Variants in LINGO2 observed in about 807,000 individuals in gnomAD.
The protein encoded by LINGO2 is leucine rich repeat and Ig domain containing 2, also known as leucine-rich repeat and immunoglobulin-like domain-containing nogo receptor-interacting protein 2.
A neutral mutation model predicts 30.6 loss-of-function variants in LINGO2; 14 were observed. That is an observed-to-expected ratio of 0.46 (90% CI 0.30 to 0.72). LINGO2 has a LOEUF of 0.72. Among genes scored for constraint, LINGO2 ranks in the 30% least tolerant of loss-of-function variants. The probability of loss-of-function intolerance (pLI) is 0.07; values close to 1 mark genes in which losing one functional copy is unlikely to be tolerated. For missense variants in LINGO2, 729 were observed against 751.7 expected (o/e 0.97, Z 0.35); for synonymous variants, 317 against 288.5 (o/e 1.10, Z -1.00).
intron 5 of LINGO2, among the ~76,000 whole-genome samples, chr9:27,999,926 A>G (rs137911855): frequency 3.9e-5 from 6 of 152,336 alleles, no homozygotes; most frequent in African/African-American, 1.4e-4. Context: ...TGGATTTTAA[A>G]TAACAAATTC....
chr9:28,919,077 T>G, the LINGO2 span, among the ~76,000 whole-genome samples: 1 of 152,224 alleles, frequency 6.6e-6, no homozygotes, highest in East Asian at 1.9e-4. Flanking sequence ...GACATTCCTT[T>G]GTTGCTTACC....
At chr9:28,416,213 C>G (rs1822962331) in intron 2 of LINGO2, among the ~76,000 whole-genome samples, 1 of 152,070 alleles carries the variant, frequency 6.6e-6, no homozygotes, top group Non-Finnish European at 1.5e-5. Flanking sequence ...AAATTATACT[C>G]TTTTCATAAA....
chr9:28,182,463 T>C (rs1819383475), intron 4 of LINGO2, among the ~76,000 whole-genome samples: 1 of 152,084 alleles, frequency 6.6e-6, no homozygotes, highest in African/African-American at 2.4e-5. Context: ...AATTGATAAA[T>C]GGGATCTAAT....
At chr9:28,441,969 A>C (rs1824215732) in intron 2 of LINGO2, among the ~76,000 whole-genome samples, 1 of 152,090 alleles carries the variant, frequency 6.6e-6, no homozygotes, top group African/African-American at 2.4e-5. Flanking sequence ...GCTCTTCAAA[A>C]TGTATATCGA....
At chr9:28,541,405 T>C (rs903993007) in intron 1 of LINGO2, among the ~76,000 whole-genome samples, 1 of 152,196 alleles carries the variant, frequency 6.6e-6, no homozygotes, top group Admixed American at 6.5e-5. Flanking sequence ...TGAGGATGAC[T>C]GATGTAATTA....
the LINGO2 span, among the ~76,000 whole-genome samples, chr9:28,945,281 C>A: frequency 1.3e-5 from 2 of 152,094 alleles, no homozygotes. Flanking sequence ...TATATGAAAG[C>A]AACTGGTTAT....
chr9:28,820,741 A>G, the LINGO2 span, among the ~76,000 whole-genome samples: 1 of 152,232 alleles, frequency 6.6e-6, no homozygotes, highest in Non-Finnish European at 1.5e-5. Flanking sequence ...ACAGAAAGTT[A>G]GAAGTCTACC....
chr9:28,984,037 A>C, the LINGO2 span, among the ~76,000 whole-genome samples: 1 of 152,038 alleles, frequency 6.6e-6, no homozygotes, highest in African/African-American at 2.4e-5. Context: ...TTTCAGAAGA[A>C]AGCTTTTTTA....
chr9:28,258,135 T>C (rs1185856974), intron 4 of LINGO2, among the ~76,000 whole-genome samples: 1 of 151,994 alleles, frequency 6.6e-6, no homozygotes, highest in Non-Finnish European at 1.5e-5. Flanking sequence ...AAGTGCTTAT[T>C]TTTTCTTAGA....
chr9:28,058,130 C>G (rs1395971967), intron 4 of LINGO2, among the ~76,000 whole-genome samples: 1 of 152,026 alleles, frequency 6.6e-6, no homozygotes, highest in African/African-American at 2.4e-5. Context: ...CTTACCCTTG[C>G]CAATAAATAA....
At chr9:28,536,232 T>G (rs1353004606) in intron 1 of LINGO2, among the ~76,000 whole-genome samples, 1 of 152,072 alleles carries the variant, frequency 6.6e-6, no homozygotes, top group Admixed American at 6.6e-5. Flanking sequence ...GATATCAAAT[T>G]TTACATAATT....
chr9:28,512,296 C>T (rs981100981), intron 1 of LINGO2, among the ~76,000 whole-genome samples: 4 of 151,938 alleles, frequency 2.6e-5, no homozygotes, highest in African/African-American at 9.7e-5. Context: ...CAGGAGCTGA[C>T]TCTCAAAAGG....
At chr9:28,905,116 A>C in the LINGO2 span, among the ~76,000 whole-genome samples, 1 of 152,148 alleles carries the variant, frequency 6.6e-6, no homozygotes, top group Non-Finnish European at 1.5e-5. Flanking sequence ...CATGATATAT[A>C]AAAATCAACT....
At chr9:28,294,760 C>G (rs1238597795) in intron 4 of LINGO2, among the ~76,000 whole-genome samples, 1 of 152,102 alleles carries the variant, frequency 6.6e-6, no homozygotes, top group Non-Finnish European at 1.5e-5. Flanking sequence ...AAAAGAAGAA[C>G]AATGGTATAA....
At chr9:28,868,032 T>C in the LINGO2 span, among the ~76,000 whole-genome samples, 1 of 152,138 alleles carries the variant, frequency 6.6e-6, no homozygotes, top group Non-Finnish European at 1.5e-5. Context: ...ATGTAAAATA[T>C]CCATTTATAC....
the LINGO2 span, among the ~76,000 whole-genome samples, chr9:28,886,358 T>A: frequency 0.037 from 5,674 of 152,210 alleles, 343 homozygotes; most frequent in African/African-American, 0.13. Context: ...CAAGCTTTTA[T>A]GGAAGGTCTA....
At chr9:28,244,799 G>A (rs1414070321) in intron 4 of LINGO2, among the ~76,000 whole-genome samples, 2 of 139,240 alleles carry the variant, frequency 1.4e-5, no homozygotes, top group African/African-American at 2.8e-5. Flanking sequence ...CTGAAATTGA[G>A]GCAGTAATAG....
At chr9:28,497,837 G>T (rs1186251871) in intron 1 of LINGO2, among the ~76,000 whole-genome samples, 1 of 152,058 alleles carries the variant, frequency 6.6e-6, no homozygotes, top group East Asian at 1.9e-4. Context: ...TGGGGTTTTG[G>T]TGTGAATGTC....
chr9:28,233,175 T>C (rs954460805), intron 4 of LINGO2, among the ~76,000 whole-genome samples: 5 of 150,686 alleles, frequency 3.3e-5, no homozygotes, highest in Admixed American at 1.3e-4. Context: ...GTGTGTGTCA[T>C]CTCCATTGAT....
Sources: gnomAD v4.1 joint callset for allele counts (sites outside exome capture counted in the v4.1 genomes callset) on GRCh38, gnomAD v4.1.1 for gene constraint, MANE v1.5 for transcripts, NCBI Gene and HGNC (gene_info 2026-07-23, HGNC 2026-07-21) for gene names.